Variants in EEIG2 observed in about 807,000 individuals in gnomAD.
The protein encoded by EEIG2 is EEIG family member 2.
chr1:108,590,215 A>G, the EEIG2 span, among the ~76,000 whole-genome samples: 1 of 152,308 alleles, frequency 6.6e-6, no homozygotes, highest in Middle Eastern at 3.4e-3. Flanking sequence ...TCTCTGATGT[A>G]TGAGATGTTC....
the EEIG2 span, among the ~76,000 whole-genome samples, chr1:108,597,448 CATCTT>C: frequency 6.6e-6 from 1 of 152,198 alleles, no homozygotes; most frequent in Admixed American, 6.5e-5. Context: ...CCTTCTGTTT[CATCTT>C]ATCAGGAGAA....
At chr1:108,631,235 A>G in the EEIG2 span, 3 of 274,744 alleles carry the variant, frequency 1.1e-5, no homozygotes, top group African/African-American at 6.7e-5. Context: ...GGTCTAGCAC[A>G]TGGGGCTGGC....
At chr1:108,581,443 C>T in the EEIG2 span, among the ~76,000 whole-genome samples, 1 of 152,088 alleles carries the variant, frequency 6.6e-6, no homozygotes, top group Non-Finnish European at 1.5e-5. Flanking sequence ...TCTGATGGAC[C>T]TGAGTAAATT....
At chr1:108,568,211 T>C in the EEIG2 span, among the ~76,000 whole-genome samples, 1 of 152,082 alleles carries the variant, frequency 6.6e-6, no homozygotes, top group South Asian at 2.1e-4. Context: ...TTTGTAAATA[T>C]TGAAAGAAAG....
chr1:108,606,470 T>G, the EEIG2 span, among the ~76,000 whole-genome samples: 1 of 152,212 alleles, frequency 6.6e-6, no homozygotes, highest in Non-Finnish European at 1.5e-5. Flanking sequence ...TCAGCCTCCC[T>G]GCTAGAGGAT....
chr1:108,635,778 AC>A, the EEIG2 span: 1 of 152,308 alleles, frequency 6.6e-6, no homozygotes, highest in Admixed American at 6.5e-5. Context: ...AGTCAGAGAT[AC>A]GTGAATGGAT....
the EEIG2 span, among the ~76,000 whole-genome samples, chr1:108,568,522 T>C: frequency 6.6e-6 from 1 of 152,236 alleles, no homozygotes; most frequent in Non-Finnish European, 1.5e-5. Context: ...ACATTCCTAA[T>C]TTTATTTGAT....
chr1:108,561,070 C>T, the EEIG2 span, among the ~76,000 whole-genome samples: 1 of 152,150 alleles, frequency 6.6e-6, no homozygotes, highest in Non-Finnish European at 1.5e-5. Flanking sequence ...GACGAGACAA[C>T]GGTCTGTGCC....
the EEIG2 span, among the ~76,000 whole-genome samples, chr1:108,611,111 A>T: frequency 6.6e-6 from 1 of 152,182 alleles, no homozygotes. Flanking sequence ...ATTAAAAGCT[A>T]TTAAAATAAT....
the EEIG2 span, among the ~76,000 whole-genome samples, chr1:108,614,852 A>G: frequency 1.3e-5 from 2 of 152,202 alleles, no homozygotes; most frequent in African/African-American, 4.8e-5. Context: ...TCTCTGTTCT[A>G]CTTAACTATT....
the EEIG2 span, chr1:108,625,627 G>GA: frequency 1.3e-5 from 2 of 152,048 alleles, no homozygotes; most frequent in African/African-American, 4.8e-5. Flanking sequence ...TTCTCCTACT[G>GA]AAAAAATGAA....
At chr1:108,632,134 A>AAAGGAG in the EEIG2 span, among the ~76,000 whole-genome samples, 6 of 27,592 alleles carry the variant, frequency 2.2e-4, no homozygotes, top group Non-Finnish European at 4.7e-4. Context: ...AAAAAAAAAA[A>AAAGGAG]AAGAAGAAGA....
the EEIG2 span, among the ~76,000 whole-genome samples, chr1:108,595,552 A>G: frequency 1.1e-5 from 1 of 87,982 alleles, no homozygotes; most frequent in Non-Finnish European, 2.1e-5. Context: ...GCTTTTACGG[A>G]GGGAGAGAGG....
At chr1:108,635,428 C>G in the EEIG2 span, 6 of 371,900 alleles carry the variant, frequency 1.6e-5, no homozygotes, top group East Asian at 2.6e-4. Context: ...CTTTTTCTTT[C>G]AGAACACCCC....
chr1:108,624,919 G>T, the EEIG2 span: 3 of 583,386 alleles, frequency 5.1e-6, no homozygotes, highest in Non-Finnish European at 9.2e-6. Context: ...AAAGTATTGT[G>T]CTCTGACAGA....
chr1:108,622,095 T>TGCA, the EEIG2 span, among the ~76,000 whole-genome samples: 1 of 152,084 alleles, frequency 6.6e-6, no homozygotes, highest in African/African-American at 2.4e-5. Context: ...AGGCGGAGGC[T>TGCA]GCAGTGAGCC....
At chr1:108,570,724 A>G in the EEIG2 span, among the ~76,000 whole-genome samples, 10 of 152,198 alleles carry the variant, frequency 6.6e-5, no homozygotes, top group Non-Finnish European at 1.0e-4. Flanking sequence ...TTGGAAGTTT[A>G]TGGGTATGTG....
chr1:108,583,632 C>T, the EEIG2 span, among the ~76,000 whole-genome samples: 3 of 152,026 alleles, frequency 2.0e-5, no homozygotes, highest in East Asian at 5.8e-4. Flanking sequence ...TAATTCTGTG[C>T]TGTTAAACAT....
the EEIG2 span, chr1:108,560,419 G>A: frequency 1.3e-6 from 2 of 1,593,400 alleles, no homozygotes; most frequent in Middle Eastern, 1.7e-4. Flanking sequence ...GCAGGCGCCT[G>A]GCTCTCACGA....
Sources: allele counts gnomAD v4.1 joint callset (sites outside exome capture counted in the v4.1 genomes callset), GRCh38; gene constraint gnomAD v4.1.1; transcripts MANE v1.5; gene names NCBI Gene and HGNC (gene_info 2026-07-23, HGNC 2026-07-21).